Variants in PTCD3 observed in about 807,000 individuals in gnomAD.
The protein encoded by PTCD3 is pentatricopeptide repeat domain 3, also known as small ribosomal subunit protein mS39.
A neutral mutation model predicts 101.9 loss-of-function variants in PTCD3; 89 were observed. The ratio of observed to expected loss-of-function variants is 0.87; its 90% confidence interval spans 0.74 to 1.04. The LOEUF is 1.04. Among genes scored for constraint, PTCD3 ranks in the 50% least tolerant of loss-of-function variants. The probability of loss-of-function intolerance (pLI) is 0.00; values close to 1 mark genes in which losing one functional copy is unlikely to be tolerated. For synonymous variants in PTCD3, 296 were observed against 278.5 expected (o/e 1.06, Z -0.63); for missense variants, 870 against 828.2 (o/e 1.05, Z -0.62).
In PTCD3 at chr2:86,125,622, C is replaced by T. The variant is rs1674369026; in HGVS notation, c.865+107C>T. On this transcript the variant is annotated intron_variant, in intron 11 of 23. Transcript: ENST00000254630. ...GTCATTGGCCTACACTTTACCTTTT[C>T]CTGAGGCGTAGATGATTGAAGCAAG... is the stretch of plus-strand genomic sequence containing the variant. The T allele has an allele frequency of 4.9e-6, 6 of 1,231,790 alleles. No homozygotes were observed. The South Asian group carries it at 6.3e-5, about 13-fold the overall frequency. 76.3% of individuals were successfully genotyped at this position (1,231,790 alleles called of 1,614,324 possible). A position where few individuals can be genotyped will look rare whatever the true frequency, so the allele number is the denominator to read the frequency against.
chr2:86,121,768 C>A (rs1022192790), intron 8 of PTCD3, among the ~76,000 whole-genome samples, 174 bp downstream of exon 8: 14 of 152,314 alleles, frequency 9.2e-5, no homozygotes, highest in East Asian at 5.8e-4. Flanking sequence ...AGATTTTAAA[C>A]AGTTACTTCT....
chr2:86,124,394 G>A lies in PTCD3; in HGVS notation c.717-601G>A, dbSNP rs1573853889. Among the ~76,000 whole-genome samples, 6 of 152,334 alleles carry A rather than the reference G, an allele frequency of 3.9e-5. No homozygotes were observed. In the South Asian group the frequency reaches 1.2e-3, roughly 32 times the overall value. On this transcript the variant is annotated intron_variant, in intron 9 of 23. Transcript: ENST00000254630. ...AATCCTGGTGCCGTGGGAGGCCGAG[G>A]CAGGTGGATCACTTGAGGTCAGGGG...
chr2:86,108,675 T>A (rs1674013447), intron 3 of PTCD3, 139 bp downstream of exon 3: 2 of 842,466 alleles, frequency 2.4e-6, no homozygotes, highest in Admixed American at 5.6e-5. Context: ...GGGGAGAAGC[T>A]AGGAGTTTAA....
chr2:86,110,932 C>G, intron 3 of PTCD3, 181 bp from the exon 4 acceptor site: 1 of 751,196 alleles, frequency 1.3e-6, no homozygotes, highest in Non-Finnish European at 2.5e-6. Context: ...CATGTACCAA[C>G]TAGGGGAAAG....
At chr2:86,133,317 T>A in intron 18 of PTCD3, 29 bp from the exon 19 acceptor site, 2 of 1,612,724 alleles carry the variant, frequency 1.2e-6, no homozygotes, top group Non-Finnish European at 1.7e-6. Flanking sequence ...TGCAGATTAA[T>A]GCTTTAAAAA....
At chr2:86,109,759 C>G (rs1674040274) in intron 3 of PTCD3, among the ~76,000 whole-genome samples, 1 of 152,096 alleles carries the variant, frequency 6.6e-6, no homozygotes, top group South Asian at 2.1e-4. Context: ...GTTGAAACAG[C>G]CTGAATGCCC....
At chr2:86,109,736 G>C (rs1047645246) in intron 3 of PTCD3, among the ~76,000 whole-genome samples, 1 of 152,112 alleles carries the variant, frequency 6.6e-6, no homozygotes, top group African/African-American at 2.4e-5. Context: ...TTATTACTTG[G>C]GAATAGTAAC....
chr2:86,125,805 C>T lies in PTCD3; in HGVS notation c.876C>T (p.Tyr292=). 3 of 1,602,796 alleles carry T rather than the reference C, an allele frequency of 1.9e-6. No homozygotes were observed. The highest frequency in any genetic ancestry group is 2.6e-6 in the Non-Finnish European group (3 of 1,171,336). The change falls in exon 12 of 24, where the codon TAC becomes TAT. Residue 292 remains tyrosine, a synonymous_variant. Transcript: ENST00000254630. ...LLNNRLHADV[Y]TFNALIEATV... ...TTTATTATTTTACAGCTGATGTATA[C>T]ACATTTAATGCATTGATTGAAGCAA...
rs762957687 is a variant in PTCD3 at position 86,131,116 on chromosome 2, A to G, written c.1266+10A>G. 8.9e-6 allele frequency: 14 copies of G among 1,581,596 alleles called. No individual in the cohort carries two copies. The highest frequency in any genetic ancestry group is 3.3e-4 in the Middle Eastern group (2 of 5,992). On this transcript the variant is annotated intron_variant, in intron 16 of 23. Transcript: ENST00000254630. ...GTCAGCCATGAGCATAGTAAGTATC[A>G]TTTCTTTATTAATTTGCTATCCATT...
In PTCD3 at chr2:86,121,513, C is replaced by T. The variant is rs989175840; in HGVS notation, c.573C>T (p.Leu191=). 24 of 1,608,600 alleles carry T rather than the reference C, an allele frequency of 1.5e-5. No individual in the cohort carries two copies. The highest frequency in any genetic ancestry group is 1.5e-5 in the Non-Finnish European group (18 of 1,177,968). The stretch of plus-strand genomic sequence containing the variant: ...TGTCTCTTGAAACAACAAATAGTCT[C>T]TTGGATTTATTGTGTTACTATGGTG... ...TTVSLETTNS[L]LDLLCYYGDQ... is the part of the protein sequence containing the mutation. The change falls in exon 8 of 24, where the codon CTC becomes CTT. Residue 191 remains leucine (L), a synonymous_variant. Coordinates refer to ENST00000254630, the MANE Select transcript of PTCD3 (RefSeq NM_017952.6).
rs1438301513 is a variant in PTCD3, at chr2:86,131,108, TAAGTA to T, written c.1266+3_1266+7del. On this transcript the variant is annotated splice_donor_5th_base_variant and intron_variant, in intron 16 of 23. Transcript: ENST00000254630. ...TTTTTTCAGTCAGCCATGAGCATAG[TAAGTA>T]TCATTTCTTTATTAATTTGCTATCC... The T allele has an allele frequency of 6.3e-7, 1 of 1,592,720 alleles. No homozygotes were observed. Among genetic ancestry groups the T allele is most frequent in the Non-Finnish European group, 8.6e-7 (1 of 1,168,502 alleles).
At position 86,127,319 on chromosome 2, in the gene PTCD3, C is replaced by A; in HGVS notation, c.1096+14C>A. The A allele has an allele frequency of 1.2e-6, 2 of 1,611,164 alleles. No homozygotes were observed. The highest frequency in any genetic ancestry group is 2.2e-5 in the East Asian group (1 of 44,822). On this transcript the variant is annotated intron_variant, in intron 13 of 23. Transcript: ENST00000254630. ...CCATTGGAATAGGTGAGGATGCGCC[C>A]TTGAGTTCTCTGAGGACAGAGACTG...
At chr2:86,131,450 T>C (rs1674493615) in intron 16 of PTCD3, among the ~76,000 whole-genome samples, 1 of 152,160 alleles carries the variant, frequency 6.6e-6, no homozygotes, top group Non-Finnish European at 1.5e-5. Flanking sequence ...TTGACCAGAC[T>C]GGTCTTGAAC....
chr2:86,110,659 T>C (rs1402523316), intron 3 of PTCD3, among the ~76,000 whole-genome samples: 2 of 152,198 alleles, frequency 1.3e-5, no homozygotes, highest in African/African-American at 4.8e-5. Context: ...AGTAAGAGTG[T>C]GTGTGACAGT....
chr2:86,110,585 A>G (rs1206319539), intron 3 of PTCD3, among the ~76,000 whole-genome samples: 6 of 152,160 alleles, frequency 3.9e-5, no homozygotes, highest in Non-Finnish European at 8.8e-5. Context: ...AATTCTTACC[A>G]TAACGTTATA....
chr2:86,127,453 G>A, intron 13 of PTCD3, 148 bp downstream of exon 13: 1 of 902,196 alleles, frequency 1.1e-6, no homozygotes, highest in Non-Finnish European at 1.7e-6. Context: ...TTACTTACAT[G>A]TACTTATTAT....
chr2:86,136,513 T>C lies in PTCD3; in HGVS notation c.1779-8T>C. 1 of 1,606,706 alleles carries C rather than the reference T, an allele frequency of 6.2e-7. No homozygotes were observed. The highest frequency in any genetic ancestry group is 1.1e-5 in the South Asian group (1 of 90,938). Reference sequence around the variant, plus strand: ...TAGTATTCATAATCTTTTTCCTTTCTTGAGCAGGAAAATGTTGGGGCTTTT... The same window carrying C: ...TAGTATTCATAATCTTTTTCCTTTCCTGAGCAGGAAAATGTTGGGGCTTTT... On this transcript the variant is annotated splice_polypyrimidine_tract_variant and splice_region_variant and intron_variant, in intron 21 of 23. Coordinates refer to ENST00000254630, the MANE Select transcript of PTCD3 (RefSeq NM_017952.6).
chr2:86,124,853 C>T, intron 9 of PTCD3, 142 bp from the exon 10 acceptor site: 2 of 1,232,204 alleles, frequency 1.6e-6, no homozygotes, highest in East Asian at 2.7e-5. Context: ...ATGATAATAA[C>T]CATAATACCC....
chr2:86,108,576 T>A, intron 3 of PTCD3, 40 bp downstream of exon 3: 1 of 1,547,808 alleles, frequency 6.5e-7, no homozygotes, highest in Non-Finnish European at 8.7e-7. Context: ...AATGGTTGAG[T>A]GCTTACTATG....
Sources: allele counts gnomAD v4.1 joint callset (sites outside exome capture counted in the v4.1 genomes callset), GRCh38; gene constraint gnomAD v4.1.1; transcripts MANE v1.5; gene names NCBI Gene and HGNC (gene_info 2026-07-23, HGNC 2026-07-21).